Variants in SAMD12 observed in about 807,000 individuals in gnomAD.
SAMD12 encodes the protein sterile alpha motif domain containing 12, also known as sterile alpha motif domain-containing protein 12.
SAMD12 carries 9 observed loss-of-function variants against 15.0 expected under a neutral mutation model. The ratio of observed to expected loss-of-function variants is 0.60; its 90% CI spans 0.36 to 1.05. The LOEUF (loss-of-function observed/expected upper bound fraction) is 1.05, where lower values mean the gene tolerates loss of function less well. Ranked by LOEUF, SAMD12 falls within the 50% of genes least tolerant of loss-of-function variation. The pLI is 0.01. For synonymous variants in SAMD12, 86 were observed against 90.1 expected (o/e 0.96, Z 0.25); for missense variants, 230 against 234.2 (o/e 0.98, Z 0.12).
chr8:118,440,459 T>C (rs1281478475), intron 2 of SAMD12, among the ~76,000 whole-genome samples: 1 of 152,144 alleles, frequency 6.6e-6, no homozygotes, highest in Non-Finnish European at 1.5e-5. Context: ...CAAGTCTGCC[T>C]GGGGGCTCTG....
chr8:118,380,077 A>G (rs1819595937), intron 3 of SAMD12, among the ~76,000 whole-genome samples: 1 of 152,212 alleles, frequency 6.6e-6, no homozygotes, highest in Non-Finnish European at 1.5e-5. Context: ...AGGCTGGCCC[A>G]CAGGAGCCCA....
At chr8:118,504,717 A>G (rs916287839) in intron 2 of SAMD12, among the ~76,000 whole-genome samples, 4 of 152,234 alleles carry the variant, frequency 2.6e-5, no homozygotes, top group African/African-American at 9.6e-5. Context: ...GAGGTTTGAG[A>G]CAGACTAAGG....
chr8:118,539,454 C>T (rs1164824258), intron 2 of SAMD12, among the ~76,000 whole-genome samples: 1 of 152,182 alleles, frequency 6.6e-6, no homozygotes, highest in Non-Finnish European at 1.5e-5. Flanking sequence ...CCCAGAAAAT[C>T]CTGTCTTGGT....
intron 2 of SAMD12, among the ~76,000 whole-genome samples, chr8:118,495,190 G>A (rs1824573304): frequency 6.6e-6 from 1 of 152,188 alleles, no homozygotes; most frequent in African/African-American, 2.4e-5. Flanking sequence ...GAAACTGGAA[G>A]AGAAGCAATT....
intron 2 of SAMD12, among the ~76,000 whole-genome samples, chr8:118,570,292 A>G (rs1826972061): frequency 6.6e-6 from 1 of 152,108 alleles, no homozygotes; most frequent in African/African-American, 2.4e-5. Context: ...TATTGTACAG[A>G]TTATTTTATC....
intron 2 of SAMD12, among the ~76,000 whole-genome samples, chr8:118,518,959 C>T (rs1008404032): frequency 6.6e-6 from 1 of 152,074 alleles, no homozygotes. Flanking sequence ...ATGTGGAAAC[C>T]AAGGGCTTAA....
At chr8:118,371,129 T>C (rs79007530) in intron 4 of SAMD12, among the ~76,000 whole-genome samples, 1 of 152,276 alleles carries the variant, frequency 6.6e-6, no homozygotes, top group Non-Finnish European at 1.5e-5. Flanking sequence ...AATGAAGATA[T>C]CTTAATTTCT....
At chr8:118,607,790 T>C (rs1794032367) in intron 1 of SAMD12, among the ~76,000 whole-genome samples, 1 of 152,196 alleles carries the variant, frequency 6.6e-6, no homozygotes, top group South Asian at 2.1e-4. Context: ...TTATCTATCC[T>C]ACCCAGCACC....
intron 3 of SAMD12, among the ~76,000 whole-genome samples, chr8:118,391,037 C>G (rs1182813311): frequency 6.6e-6 from 1 of 152,050 alleles, no homozygotes; most frequent in East Asian, 1.9e-4. Flanking sequence ...GTTTTTAGCT[C>G]TCCGAGAAGG....
rs118144347 is a variant in SAMD12, at chr8:118,233,868, G to A, written c.434-36136C>T. On this transcript the variant is annotated intron_variant, in intron 4 of 4. Coordinates refer to the SAMD12 transcript ENST00000409003. ...GGTAAGTTGTTTCCCATGAGAACAG[G>A]GGTCTCTGACGAGTCCAAAGGATGG... is the stretch of plus-strand genomic sequence containing the variant. Among the ~76,000 whole-genome samples the A allele has an allele frequency of 2.9e-4, 44 of 152,220 alleles. No homozygotes were observed. In the East Asian group the frequency reaches 7.2e-3, roughly 25 times the overall value.
At chr8:118,323,927 T>A (rs1174919272) in intron 4 of SAMD12, among the ~76,000 whole-genome samples, 1 of 152,194 alleles carries the variant, frequency 6.6e-6, no homozygotes, top group Non-Finnish European at 1.5e-5. Flanking sequence ...AAAAACCTCC[T>A]ATACATACAG....
At chr8:118,369,209 C>A (rs1025105359) in intron 4 of SAMD12, among the ~76,000 whole-genome samples, 1 of 152,160 alleles carries the variant, frequency 6.6e-6, no homozygotes, top group African/African-American at 2.4e-5. Flanking sequence ...CAAAAACAGA[C>A]ACGTAGACCA....
intron 2 of SAMD12, among the ~76,000 whole-genome samples, chr8:118,566,828 G>A (rs2131223964): frequency 6.6e-6 from 1 of 152,254 alleles, no homozygotes; most frequent in Admixed American, 6.5e-5. Flanking sequence ...CAAGAGAAGT[G>A]AGAAATCTGG....
chr8:118,541,134 A>G (rs1825973392), intron 2 of SAMD12, among the ~76,000 whole-genome samples: 1 of 152,112 alleles, frequency 6.6e-6, no homozygotes, highest in South Asian at 2.1e-4. Context: ...TGTATACTAT[A>G]TTGTGTGTTA....
chr8:118,332,283 C>T (rs555683412), intron 4 of SAMD12, among the ~76,000 whole-genome samples: 1 of 152,318 alleles, frequency 6.6e-6, no homozygotes, highest in East Asian at 1.9e-4. Flanking sequence ...AATTCCCTGA[C>T]AATGATGACG....
intron 4 of SAMD12, among the ~76,000 whole-genome samples, chr8:118,361,442 T>A (rs1395195623): frequency 6.6e-6 from 1 of 152,218 alleles, no homozygotes; most frequent in Non-Finnish European, 1.5e-5. Flanking sequence ...CCATTTTAAT[T>A]TTTTTAAGTA....
chr8:118,515,682 C>T (rs967405960), intron 2 of SAMD12, among the ~76,000 whole-genome samples: 2 of 152,158 alleles, frequency 1.3e-5, no homozygotes, highest in Non-Finnish European at 2.9e-5. Flanking sequence ...ACCTTCCTCA[C>T]TGACAAATTC....
chr8:118,363,792 G>C (rs1563796913), intron 4 of SAMD12, among the ~76,000 whole-genome samples: 1 of 152,190 alleles, frequency 6.6e-6, no homozygotes, highest in Non-Finnish European at 1.5e-5. Flanking sequence ...GTGTGGCCTT[G>C]GCAGGCATTG....
chr8:118,590,814 G>A (rs1342877192), intron 1 of SAMD12, among the ~76,000 whole-genome samples: 3 of 152,226 alleles, frequency 2.0e-5, no homozygotes, highest in Admixed American at 2.0e-4. Context: ...AGATGACAGA[G>A]ACATCAGAAC....
Sources: allele counts gnomAD v4.1 joint callset (sites outside exome capture counted in the v4.1 genomes callset), GRCh38; gene constraint gnomAD v4.1.1; transcripts MANE v1.5; gene names NCBI Gene and HGNC (gene_info 2026-07-23, HGNC 2026-07-21).